Variants in MTM1 observed in about 807,000 individuals in gnomAD.
MTM1 encodes the protein myotubularin 1.
In MTM1, 9 loss-of-function variants were observed where a neutral mutation model predicts 52.1. That is an observed-to-expected ratio of 0.17 (90% CI 0.10 to 0.30). The LOEUF (loss-of-function observed/expected upper bound fraction) is 0.30, where lower values mean the gene tolerates loss of function less well. MTM1 is among the 10% of genes least tolerant of loss of function. MTM1 has a pLI of 1.00. For missense variants in MTM1, 277 were observed against 470.7 expected (o/e 0.59, Z 3.81); for synonymous variants, 136 against 163.8 (o/e 0.83, Z 1.29).
intron 4 of MTM1, among the ~76,000 whole-genome samples, chrX:150,608,540 A>G (rs1325594189): frequency 3.6e-5 from 4 of 111,606 alleles, no homozygotes; most frequent in East Asian, 2.8e-4. Flanking sequence ...TTTTTAATTG[A>G]CAAAAATTGT....
At chrX:150,624,203 C>T (rs1557413352) in intron 6 of MTM1, among the ~76,000 whole-genome samples, 1 of 111,844 alleles carries the variant, frequency 8.9e-6, no homozygotes. Flanking sequence ...GTAAGATGCG[C>T]ACTTTTTTTA....
rs1277847527 is a variant in MTM1, at chrX:150,671,683, T to A, written c.*88T>A. 9.9e-7 allele frequency: 1 copy of A among 1,012,377 alleles called. No individual in the cohort carries two copies. Among genetic ancestry groups the A allele is most frequent in the African/African-American group, 1.9e-5 (1 of 52,883 alleles). The allele number at this position is 1,012,377 out of a possible 1,213,427, so 83.4% of individuals were successfully genotyped here. On this transcript the variant is annotated 3_prime_UTR_variant, in exon 15 of 15. Transcript: ENST00000370396. ...CATTTGTAAAAAGTAGATTAAAATA[T>A]TTGCCTCCATGTAGAACTTGAACTA...
intron 11 of MTM1, 58 bp from the exon 12 acceptor site, chrX:150,659,606 T>G (rs2040185243): frequency 2.0e-6 from 2 of 983,564 alleles, no homozygotes; most frequent in Admixed American, 4.4e-5. Flanking sequence ...TTGTGTTATA[T>G]GCTTTCTCAG....
chrX:150,661,327 C>T (rs969844160), intron 13 of MTM1, among the ~76,000 whole-genome samples: 1 of 111,752 alleles, frequency 8.9e-6, no homozygotes, highest in African/African-American at 3.3e-5. Flanking sequence ...CCCAGCCTGG[C>T]GATCAGATTT....
intron 1 of MTM1, among the ~76,000 whole-genome samples, chrX:150,588,537 A>G (rs1458005188): frequency 1.8e-5 from 2 of 111,695 alleles, no homozygotes; most frequent in Non-Finnish European, 3.8e-5. Context: ...AGGTTTGTGT[A>G]TTGTTGTTTT....
intron 11 of MTM1, among the ~76,000 whole-genome samples, chrX:150,659,299 G>A (rs782429225): frequency 6.3e-4 from 70 of 111,808 alleles, no homozygotes; most frequent in Non-Finnish European, 1.1e-3. Flanking sequence ...TGTTTTCTTC[G>A]CGACTGAAAG....
At position 150,592,620 on chromosome X, in the gene MTM1, T is replaced by G. The variant is rs946865351; in HGVS notation, c.6T>G (p.Ala2=). The G allele has an allele frequency of 4.2e-6, 5 of 1,196,976 alleles. No individual in the cohort carries two copies. Among genetic ancestry groups the G allele is most frequent in the Non-Finnish European group, 5.7e-6 (5 of 883,717 alleles). ...TTCTTGGTAGAGTTTCCAGGATGGCTTCTGCATCAACTTCTAAATATAATT... is the reference window on the plus strand; with the variant it reads ...TTCTTGGTAGAGTTTCCAGGATGGCGTCTGCATCAACTTCTAAATATAATT... M[A]SASTSKYNSH... is the part of the protein sequence containing the mutation. Residue 2 remains alanine, a synonymous_variant, in exon 2 of 15, where the codon GCT becomes GCG. Transcript: ENST00000370396.
intron 1 of MTM1, among the ~76,000 whole-genome samples, chrX:150,581,303 A>G (rs1369014953): frequency 8.9e-6 from 1 of 111,929 alleles, no homozygotes; most frequent in East Asian, 2.8e-4. Flanking sequence ...GAATTTGTGT[A>G]CACCATCAAA....
At chrX:150,658,393 A>C (rs942508532) in intron 11 of MTM1, among the ~76,000 whole-genome samples, 1 of 111,772 alleles carries the variant, frequency 8.9e-6, no homozygotes, top group Non-Finnish European at 1.9e-5. Context: ...TTTAAAAATC[A>C]TCGAGAGATG....
At chrX:150,617,050 G>A (rs782420191) in intron 5 of MTM1, among the ~76,000 whole-genome samples, 1 of 112,459 alleles carries the variant, frequency 8.9e-6, no homozygotes, top group African/African-American at 3.2e-5. Flanking sequence ...CAGATTTGGT[G>A]ATCTGCCGCC....
intron 5 of MTM1, among the ~76,000 whole-genome samples, chrX:150,617,932 T>C (rs1161912231): frequency 2.7e-5 from 3 of 111,779 alleles, no homozygotes; most frequent in African/African-American, 9.8e-5. Flanking sequence ...ATTGACTTTT[T>C]TTTTTAAGAT....
At chrX:150,661,655 T>C (rs1310548059) in intron 13 of MTM1, among the ~76,000 whole-genome samples, 1 of 111,599 alleles carries the variant, frequency 9.0e-6, no homozygotes, top group Admixed American at 9.5e-5. Flanking sequence ...TGGAGGACAT[T>C]ATGCTAAGCG....
chrX:150,625,823 C>T (rs906580571), intron 6 of MTM1, among the ~76,000 whole-genome samples: 4 of 112,620 alleles, frequency 3.6e-5, no homozygotes, highest in Admixed American at 9.3e-5. Flanking sequence ...AGATATTTGA[C>T]CTTCTTATGT....
At chrX:150,613,980 A>C (rs1296893066) in intron 4 of MTM1, among the ~76,000 whole-genome samples, 1 of 112,246 alleles carries the variant, frequency 8.9e-6, no homozygotes, top group Non-Finnish European at 1.9e-5. Context: ...GGGGGAATAC[A>C]TATGTGTAAA....
intron 1 of MTM1, among the ~76,000 whole-genome samples, chrX:150,572,820 G>A (rs1233865860): frequency 1.8e-5 from 2 of 112,647 alleles, no homozygotes; most frequent in Non-Finnish European, 3.8e-5. Flanking sequence ...AACAGGGCAG[G>A]CTCCTGAGTG....
chrX:150,649,418 T>G (rs2039984472), intron 9 of MTM1, among the ~76,000 whole-genome samples: 1 of 112,500 alleles, frequency 8.9e-6, no homozygotes, highest in African/African-American at 3.2e-5. Context: ...CACAACCTGC[T>G]TTTGCCTTTC....
At chrX:150,579,787 C>CT (rs2148404270) in intron 1 of MTM1, among the ~76,000 whole-genome samples, 1 of 111,359 alleles carries the variant, frequency 9.0e-6, no homozygotes, top group African/African-American at 3.3e-5. Flanking sequence ...CAGGCATGAA[C>CT]TATAGCACTG....
At chrX:150,574,755 C>T (rs1191858451) in intron 1 of MTM1, among the ~76,000 whole-genome samples, 1 of 112,025 alleles carries the variant, frequency 8.9e-6, no homozygotes, top group Non-Finnish European at 1.9e-5. Context: ...TACATTTGGT[C>T]TTGATTTGCT....
chrX:150,637,385 C>T (rs1026504670), intron 6 of MTM1, among the ~76,000 whole-genome samples: 2 of 111,066 alleles, frequency 1.8e-5, no homozygotes, highest in East Asian at 2.8e-4. Context: ...GATGGTTGTA[C>T]AGGGGCTGTG....
Sources: allele counts gnomAD v4.1 joint callset (sites outside exome capture counted in the v4.1 genomes callset), GRCh38; gene constraint gnomAD v4.1.1; transcripts MANE v1.5; gene names NCBI Gene and HGNC (gene_info 2026-07-23, HGNC 2026-07-21).